Variants in OR1J2 observed in about 807,000 individuals in gnomAD.
The protein encoded by OR1J2 is olfactory receptor 1J2.
For missense variants in OR1J2, 304 were observed against 246.1 expected (o/e 1.24, Z -1.57); for synonymous variants, 142 against 99.7 (o/e 1.42, Z -2.52).
chr9:122,542,323 C>T, the OR1J2 span, among the ~76,000 whole-genome samples: 2 of 152,116 alleles, frequency 1.3e-5, no homozygotes, highest in African/African-American at 4.8e-5. Flanking sequence ...TGGGACATTT[C>T]GCTTAGAGTG....
chr9:122,553,382 C>T, the OR1J2 span: 38 of 1,614,112 alleles, frequency 2.4e-5, no homozygotes, highest in Non-Finnish European at 4.2e-6. Flanking sequence ...CTGACCCACA[C>T]CTCCATACTC....
the OR1J2 span, among the ~76,000 whole-genome samples, chr9:122,527,534 T>A: frequency 6.6e-6 from 1 of 152,220 alleles, no homozygotes; most frequent in East Asian, 1.9e-4. Flanking sequence ...TCAGGGCATA[T>A]TCTCCCTTGG....
the OR1J2 span, among the ~76,000 whole-genome samples, chr9:122,497,406 A>G: frequency 1.3e-5 from 2 of 152,276 alleles, no homozygotes; most frequent in African/African-American, 2.4e-5. Flanking sequence ...GGGAGATTGC[A>G]TAGTTTCAGG....
At chr9:122,484,929 G>A in the OR1J2 span, among the ~76,000 whole-genome samples, 4 of 152,250 alleles carry the variant, frequency 2.6e-5, no homozygotes, top group African/African-American at 9.6e-5. Context: ...AGCTACTCAG[G>A]AGGCTGAGGT....
chr9:122,543,834 G>A, the OR1J2 span, among the ~76,000 whole-genome samples: 2 of 152,202 alleles, frequency 1.3e-5, no homozygotes, highest in Non-Finnish European at 2.9e-5. Context: ...ATCACATGGA[G>A]TAGAGATGAG....
chr9:122,543,074 G>A, the OR1J2 span, among the ~76,000 whole-genome samples: 2 of 152,162 alleles, frequency 1.3e-5, no homozygotes, highest in Non-Finnish European at 2.9e-5. Context: ...AAATACCTAT[G>A]TACAAACTTT....
At chr9:122,527,776 G>A in the OR1J2 span, among the ~76,000 whole-genome samples, 1 of 152,112 alleles carries the variant, frequency 6.6e-6, no homozygotes, top group African/African-American at 2.4e-5. Flanking sequence ...AAGAAAATAC[G>A]AAGTCCTGCA....
the OR1J2 span, among the ~76,000 whole-genome samples, chr9:122,505,085 A>T: frequency 6.6e-6 from 1 of 152,186 alleles, no homozygotes; most frequent in African/African-American, 2.4e-5. Context: ...TCCAAGTTAT[A>T]TAAAGTTGTG....
chr9:122,511,083 T>C lies in OR1J2; in HGVS notation c.282T>C (p.Tyr94=). ...GGACTAAGTACAAATCGATCCTCTA[T>C]GAGGAATGCATTTCTCAGATGTATT... The part of the protein sequence containing the change: ...DMRTKYKSIL[Y]EECISQMYFF... Residue 94 remains tyrosine (Y), a synonymous_variant, in exon 1 of 1, where the codon TAT becomes TAC. Transcript: ENST00000335302. The C allele has an allele frequency of 8.5e-7, 1 of 1,177,142 alleles. No homozygotes were observed. Among genetic ancestry groups the C allele is most frequent in the East Asian group, 2.4e-5 (1 of 42,538 alleles). The allele number at this position is 1,177,142 out of a possible 1,614,324, so 72.9% of individuals were successfully genotyped here.
chr9:122,480,555 C>A, the OR1J2 span, among the ~76,000 whole-genome samples: 1 of 144,400 alleles, frequency 6.9e-6, no homozygotes, highest in Non-Finnish European at 1.5e-5. Flanking sequence ...CCAGGTATTT[C>A]TTTTTTTTTT....
chr9:122,490,670 A>G, the OR1J2 span, among the ~76,000 whole-genome samples: 1 of 152,226 alleles, frequency 6.6e-6, no homozygotes, highest in Non-Finnish European at 1.5e-5. Context: ...TGGCAAATTT[A>G]GGAAACAATT....
the OR1J2 span, among the ~76,000 whole-genome samples, chr9:122,536,801 C>A: frequency 6.6e-6 from 1 of 152,150 alleles, no homozygotes; most frequent in Non-Finnish European, 1.5e-5. Context: ...TTGCCAGCAC[C>A]ATTTATTGAA....
the OR1J2 span, among the ~76,000 whole-genome samples, chr9:122,496,481 T>C: frequency 1.3e-5 from 2 of 152,280 alleles, no homozygotes; most frequent in African/African-American, 4.8e-5. Context: ...TTCTGCTATG[T>C]CATACAGGTA....
the OR1J2 span, among the ~76,000 whole-genome samples, chr9:122,564,515 G>T: frequency 3.9e-5 from 6 of 152,240 alleles, no homozygotes; most frequent in East Asian, 9.6e-4. Context: ...GCAGAGATTC[G>T]TGCCACCATC....
chr9:122,571,646 G>A, the OR1J2 span, among the ~76,000 whole-genome samples: 2 of 151,462 alleles, frequency 1.3e-5, no homozygotes, highest in Non-Finnish European at 2.9e-5. Flanking sequence ...AACCCGGGAG[G>A]CGGAGGTTGC....
At chr9:122,463,696 C>T in the OR1J2 span, among the ~76,000 whole-genome samples, 1 of 152,160 alleles carries the variant, frequency 6.6e-6, no homozygotes. Context: ...TGTTGTTTCT[C>T]TTCTCAATCT....
At chr9:122,518,009 C>G in the OR1J2 span, among the ~76,000 whole-genome samples, 1 of 152,114 alleles carries the variant, frequency 6.6e-6, no homozygotes, top group East Asian at 1.9e-4. Context: ...TAATGGCTTC[C>G]AGCTCCATCC....
the OR1J2 span, among the ~76,000 whole-genome samples, chr9:122,500,738 A>C: frequency 1.3e-5 from 2 of 152,320 alleles, no homozygotes; most frequent in African/African-American, 4.8e-5. Flanking sequence ...ACTGTGATCT[A>C]GGTGCCACCA....
At chr9:122,538,079 A>G in the OR1J2 span, among the ~76,000 whole-genome samples, 1 of 152,090 alleles carries the variant, frequency 6.6e-6, no homozygotes, top group East Asian at 1.9e-4. Flanking sequence ...TGTCTATGCA[A>G]GTCACCTGTG....
Sources: allele counts gnomAD v4.1 joint callset (sites outside exome capture counted in the v4.1 genomes callset), GRCh38; gene constraint gnomAD v4.1.1; transcripts MANE v1.5; gene names NCBI Gene and HGNC (gene_info 2026-07-23, HGNC 2026-07-21).